The following PDE1A variants were observed in gnomAD, a reference collection of about 807,000 sequenced individuals.
The protein encoded by PDE1A is dual specificity calcium/calmodulin-dependent 3',5'-cyclic nucleotide phosphodiesterase 1A.
PDE1A carries 35 observed loss-of-function variants against 61.7 expected under a neutral mutation model. The observed-to-expected ratio is 0.57, with a 90% CI of 0.43 to 0.75. The LOEUF is 0.75. PDE1A is among the 30% of genes least tolerant of loss of function. The pLI is 0.00. For synonymous variants in PDE1A, 232 were observed against 213.2 expected (o/e 1.09, Z -0.77); for missense variants, 597 against 630.6 (o/e 0.95, Z 0.57).
At chr2:182,700,232 T>C in the PDE1A span, among the ~76,000 whole-genome samples, 266 of 152,258 alleles carry the variant, frequency 1.7e-3, 4 homozygotes, top group Admixed American at 0.015. Context: ...CTTAACTGTT[T>C]CCAAAATACA....
chr2:182,200,111 T>C (rs1686492118), intron 10 of PDE1A, among the ~76,000 whole-genome samples: 1 of 152,192 alleles, frequency 6.6e-6, no homozygotes, highest in Admixed American at 6.5e-5. Context: ...TGAAATAATC[T>C]GAAAATACAG....
intron 1 of PDE1A, among the ~76,000 whole-genome samples, chr2:182,385,618 A>T (rs1014452187): frequency 7.9e-6 from 1 of 126,264 alleles, no homozygotes; most frequent in East Asian, 2.4e-4. Context: ...GATGAAAGAA[A>T]CAGAAAGAAA....
At chr2:182,503,974 T>G (rs1240430925) in intron 2 of PDE1A, among the ~76,000 whole-genome samples, 1 of 152,186 alleles carries the variant, frequency 6.6e-6, no homozygotes, top group African/African-American at 2.4e-5. Flanking sequence ...TAAAAGAATA[T>G]TAACCCTACT....
intron 1 of PDE1A, among the ~76,000 whole-genome samples, chr2:182,348,888 A>G (rs564325189): frequency 6.6e-6 from 1 of 152,046 alleles, no homozygotes; most frequent in Non-Finnish European, 1.5e-5. Flanking sequence ...GTCTGTGGAT[A>G]GAGGAAAGAA....
the PDE1A span, among the ~76,000 whole-genome samples, chr2:182,670,031 T>C: frequency 6.6e-6 from 1 of 152,196 alleles, no homozygotes; most frequent in Non-Finnish European, 1.5e-5. Context: ...ATAAACCACA[T>C]GCTGTTTGCA....
intron 2 of PDE1A, among the ~76,000 whole-genome samples, chr2:182,454,221 G>A (rs1264532327): frequency 6.6e-6 from 1 of 152,108 alleles, no homozygotes; most frequent in Non-Finnish European, 1.5e-5. Context: ...GGGATGTGAA[G>A]GACCTCTTCA....
At chr2:182,292,340 C>A (rs1002398061) in intron 1 of PDE1A, among the ~76,000 whole-genome samples, 5 of 151,906 alleles carry the variant, frequency 3.3e-5, no homozygotes, top group African/African-American at 1.2e-4. Flanking sequence ...GTCTATAGAT[C>A]TAACAATTTT....
chr2:182,712,856 C>A, the PDE1A span, among the ~76,000 whole-genome samples: 3 of 152,088 alleles, frequency 2.0e-5, no homozygotes, highest in Non-Finnish European at 2.9e-5. Context: ...GCGCCTGGCT[C>A]AGTTTTTTTA....
chr2:182,708,208 C>T, the PDE1A span, among the ~76,000 whole-genome samples: 1 of 152,060 alleles, frequency 6.6e-6, no homozygotes, highest in South Asian at 2.1e-4. Flanking sequence ...AGTTCTGCCC[C>T]TACTAGCTTT....
At chr2:182,319,165 A>C (rs989742184) in intron 1 of PDE1A, among the ~76,000 whole-genome samples, 2 of 152,076 alleles carry the variant, frequency 1.3e-5, no homozygotes, top group South Asian at 2.1e-4. Flanking sequence ...ATTCTTTTTG[A>C]TTTCTGTAAG....
intron 13 of PDE1A, among the ~76,000 whole-genome samples, chr2:182,155,165 C>A (rs992710705): frequency 6.7e-6 from 1 of 149,538 alleles, no homozygotes; most frequent in Non-Finnish European, 1.5e-5. Flanking sequence ...TGGCTCACTG[C>A]AGCCTCCACC....
intron 1 of PDE1A, among the ~76,000 whole-genome samples, chr2:182,358,487 C>G (rs768601083): frequency 6.6e-6 from 1 of 152,142 alleles, no homozygotes; most frequent in Non-Finnish European, 1.5e-5. Context: ...CATCCCTTAT[C>G]TATTATCTTC....
chr2:182,206,705 A>C (rs2125503874), intron 7 of PDE1A, among the ~76,000 whole-genome samples: 1 of 152,216 alleles, frequency 6.6e-6, no homozygotes, highest in African/African-American at 2.4e-5. Flanking sequence ...TCTTATGTTG[A>C]ATTGTAATCT....
At chr2:182,237,346 A>G (rs897521084) in intron 3 of PDE1A, among the ~76,000 whole-genome samples, 7 of 152,054 alleles carry the variant, frequency 4.6e-5, no homozygotes, top group Admixed American at 2.0e-4. Flanking sequence ...ACAAAAAACA[A>G]TTAGCCGTGC....
intron 13 of PDE1A, among the ~76,000 whole-genome samples, chr2:182,180,435 G>T (rs1303780821): frequency 1.3e-5 from 2 of 152,114 alleles, no homozygotes; most frequent in African/African-American, 2.4e-5. Context: ...AGCTTGTAGG[G>T]TTTCTGCTGA....
downstream of PDE1A, chr2:182,146,977 G>A (rs1170955608): frequency 1.5e-6 from 1 of 671,006 alleles, no homozygotes; most frequent in African/African-American, 1.8e-5. Context: ...CATCCATAAT[G>A]GTATTCTGCA....
chr2:182,699,266 A>G, the PDE1A span, among the ~76,000 whole-genome samples: 9 of 152,348 alleles, frequency 5.9e-5, no homozygotes, highest in African/African-American at 1.7e-4. Context: ...TTCAGAAAGC[A>G]AGTCATTCTA....
intron 11 of PDE1A, 93 bp from the exon 12 acceptor site, chr2:182,186,681 A>AGTGTTACAATT: frequency 7.9e-7 from 1 of 1,269,902 alleles, no homozygotes; most frequent in Non-Finnish European, 1.1e-6. Context: ...GCTTCTGACA[A>AGTGTTACAATT]TCCTGGGATA....
the PDE1A span, among the ~76,000 whole-genome samples, chr2:182,666,240 C>T: frequency 5.3e-5 from 8 of 151,950 alleles, no homozygotes; most frequent in African/African-American, 1.9e-4. Context: ...AAAAAATCAC[C>T]CCTCAAAAAA....
Sources: gnomAD v4.1 joint callset for allele counts (sites outside exome capture counted in the v4.1 genomes callset) on GRCh38, gnomAD v4.1.1 for gene constraint, MANE v1.5 for transcripts, NCBI Gene and HGNC (gene_info 2026-07-23, HGNC 2026-07-21) for gene names.